Variants in DIS3 observed in about 807,000 individuals in gnomAD.
DIS3 encodes the protein exosome complex exonuclease RRP44.
DIS3 carries 103 observed loss-of-function variants against 113.0 expected under a neutral mutation model. The ratio of observed to expected loss-of-function variants is 0.91; its 90% CI spans 0.78 to 1.07. The LOEUF is 1.07. Ranked by LOEUF, DIS3 falls within the 50% of genes least tolerant of loss-of-function variation. The pLI is 0.00. For missense variants in DIS3, 1,121 were observed against 1,167.1 expected (o/e 0.96, Z 0.58); for synonymous variants, 402 against 394.3 (o/e 1.02, Z -0.23).
chr13:72,781,658 C>T lies in DIS3; in HGVS notation c.175G>A (p.Val59Ile). ...AGCAAGTAGTGCGGTTGCGGGCAGA[C>T]GCTGCTCGCCGGGTCCTGGGGCTGC... ...EPQPQDPASS[V>I]CPQPHYLLPD... The change falls in exon 1 of 21, where the codon GTC (valine) becomes ATC (isoleucine). Residue 59 changes from valine to isoleucine, a missense_variant. Coordinates refer to ENST00000377767, the MANE Select transcript of DIS3 (RefSeq NM_014953.5). 6.5e-7 allele frequency: 1 copy of T among 1,546,436 alleles called. No homozygotes were observed. Among genetic ancestry groups the T allele is most frequent in the Non-Finnish European group, 8.7e-7 (1 of 1,144,880 alleles).
In DIS3 at chr13:72,764,655, G is replaced by T. The variant is rs79937497; in HGVS notation, c.1971-1048C>A. 7.6e-3 allele frequency among the ~76,000 whole-genome samples: 1,162 copies of T among 152,246 alleles called. 13 individuals carry two copies. The highest frequency in any genetic ancestry group is 0.026 in the African/African-American group (1,094 of 41,542). On this transcript the variant is annotated intron_variant, in intron 15 of 20. Coordinates refer to ENST00000377767, the MANE Select transcript of DIS3 (RefSeq NM_014953.5). Reference sequence around the variant, plus strand: ...TTTAGTAAATGATCCACCTTCTGTTGATACAGTGCTTTCTGTCTTGCAAGT... The same window carrying T: ...TTTAGTAAATGATCCACCTTCTGTTTATACAGTGCTTTCTGTCTTGCAAGT...
At chr13:72,763,237 G>C (rs1322930146) in intron 16 of DIS3, among the ~76,000 whole-genome samples, 1 of 152,012 alleles carries the variant, frequency 6.6e-6, no homozygotes, top group Non-Finnish European at 1.5e-5. Flanking sequence ...GGTGGGAGGT[G>C]GAGGGTGCAG....
At position 72,759,470 on chromosome 13, in the gene DIS3, T is replaced by TAA. The variant is rs150311356; in HGVS notation, c.*324_*325insTT. On this transcript the variant is annotated 3_prime_UTR_variant, in exon 21 of 21. Coordinates refer to ENST00000377767, the MANE Select transcript of DIS3 (RefSeq NM_014953.5). ...ACAAATATTAAATAATCAAAGTACT[T>TAA]ACGCAAAATTAATCTGCTCCTCAAT... The TAA allele has an allele frequency of 5.5e-3, 1,326 of 242,846 alleles. 15 individuals are homozygous for TAA. Among genetic ancestry groups the TAA allele is most frequent in the African/African-American group, 0.026 (1,205 of 45,692 alleles). 15.0% of individuals were successfully genotyped at this position (242,846 alleles called of 1,614,324 possible).
At chr13:72,759,981 GT>G (rs2033585720) in intron 20 of DIS3, 103 bp from the exon 21 acceptor site, 3 of 921,938 alleles carry the variant, frequency 3.3e-6, no homozygotes, top group Non-Finnish European at 5.1e-6. Flanking sequence ...TTAAAAGGAT[GT>G]AGTGGTAGGG....
chr13:72,776,642 A>C (rs1332178772), intron 4 of DIS3, among the ~76,000 whole-genome samples: 1 of 152,214 alleles, frequency 6.6e-6, no homozygotes, highest in African/African-American at 2.4e-5. Context: ...AAATTGTATT[A>C]ATGCTACAGT....
Position 72,753,921 on chromosome 13 carries a change from T to C in DIS3, c.*5874A>G, listed in dbSNP as rs2033356760. 2.5e-6 allele frequency: 3 copies of C among 1,189,044 alleles called. No individual in the cohort carries two copies. The highest frequency in any genetic ancestry group is 3.5e-6 in the Non-Finnish European group (3 of 860,272). The allele number at this position is 1,189,044 out of a possible 1,614,324, so 73.7% of individuals were successfully genotyped here. A position where few individuals can be genotyped will look rare whatever the true frequency, so the allele number is the denominator to read the frequency against. On this transcript the variant is annotated 3_prime_UTR_variant, in exon 21 of 21. Coordinates refer to ENST00000377767, the MANE Select transcript of DIS3 (RefSeq NM_014953.5). The stretch of plus-strand genomic sequence containing the variant: ...AGTACTATTGAGAAACTATATGAAA[T>C]TTAAAACACTAAAAGGTAAGCCTGT...
chr13:72,761,773 A>T lies in DIS3; in HGVS notation c.2384T>A (p.Ile795Asn). The T allele has an allele frequency of 6.2e-7, 1 of 1,613,514 alleles. No homozygotes were observed. Among genetic ancestry groups the T allele is most frequent in the South Asian group, 1.1e-5 (1 of 90,804 alleles). The stretch of plus-strand genomic sequence containing the variant: ...CTCTGGATAAGTACAGTCAGCCCCA[A>T]TAGCCACAGCCAAAAGCCGATGAAC... ...VIVHRLLAVA[I>N]GADCTYPELT... The change falls in exon 18 of 21, where the codon ATT becomes AAT. Residue 795 changes from isoleucine (I) to asparagine (N), a missense_variant. By Grantham distance (149) the Ile-to-Asn change is moderately radical. Coordinates refer to ENST00000377767, the MANE Select transcript of DIS3 (RefSeq NM_014953.5).
At chr13:72,779,968 G>C (rs2034115349) in intron 2 of DIS3, among the ~76,000 whole-genome samples, 1 of 151,976 alleles carries the variant, frequency 6.6e-6, no homozygotes, top group Non-Finnish European at 1.5e-5. Context: ...TAACGTAATA[G>C]GCAATATCAT....
rs2033736541 is a variant in DIS3, at chr13:72,766,002, T to A, written c.1940A>T (p.Asp647Val). The change falls in exon 15 of 21, where the codon GAT becomes GTT. Residue 647 changes from aspartate (D) to valine (V), a missense_variant. Around this residue, in one of 3 missense-constraint regions of DIS3, gnomAD observed 861 missense variants for 915.5 expected, o/e 0.94. Transcript: ENST00000377767. ...VRFHMDSETH[D>V]PIDLQTKELR... ...TTCCTTGGTCTGCAGATCTATAGGA[T>A]CGTGAGTTTCACTGTCCATGTGGAA... 2.5e-6 allele frequency: 4 copies of A among 1,611,514 alleles called. No individual in the cohort carries two copies. Among genetic ancestry groups the A allele is most frequent in the East Asian group, 2.2e-5 (1 of 44,836 alleles).
chr13:72,779,942 G>C (rs77098731), intron 2 of DIS3, among the ~76,000 whole-genome samples: 17,113 of 152,142 alleles, frequency 0.11, 1,322 homozygotes, highest in Non-Finnish European at 0.17. Flanking sequence ...ACTCATCATA[G>C]ATTATTTATG....
Position 72,772,219 on chromosome 13 carries a change from T to C in DIS3, c.1443A>G (p.Pro481=). ...GAGCATCGTCTATATCAGTACATCC[T>C]GGTGGGTCTACACTACAAATACACA... The part of the protein sequence containing the change: ...RHLCICSVDP[P]GCTDIDDALH... Residue 481 remains proline (P), a synonymous_variant, in exon 10 of 21, where the codon CCA becomes CCG. Transcript: ENST00000377767. 1.2e-6 allele frequency: 2 copies of C among 1,613,592 alleles called. No homozygotes were observed. Among genetic ancestry groups the C allele is most frequent in the Non-Finnish European group, 1.7e-6 (2 of 1,179,902 alleles).
rs1377431990 is a variant in DIS3 at position 72,756,628 on chromosome 13, G to C, written c.*3167C>G. On this transcript the variant is annotated 3_prime_UTR_variant, in exon 21 of 21. Transcript: ENST00000377767. Reference sequence around the variant, plus strand: ...TCCCCACGTGTCAAGGGTGGGACCAGGTGGAGGTAACTGGATCATGGGGGC... The same window carrying C: ...TCCCCACGTGTCAAGGGTGGGACCACGTGGAGGTAACTGGATCATGGGGGC... 1 of 152,236 alleles carries C rather than the reference G, an allele frequency of 6.6e-6. No homozygotes were observed. Among genetic ancestry groups the C allele is most frequent in the East Asian group, 1.9e-4 (1 of 5,186 alleles). The allele number at this position is 152,236 out of a possible 1,614,324, so 9.4% of individuals were successfully genotyped here. A position where few individuals can be genotyped will look rare whatever the true frequency, so the allele number is the denominator to read the frequency against.
At chr13:72,765,157 T>C (rs947251979) in intron 15 of DIS3, among the ~76,000 whole-genome samples, 2 of 152,060 alleles carry the variant, frequency 1.3e-5, no homozygotes, top group African/African-American at 4.8e-5. Flanking sequence ...TCCTACATCT[T>C]AACTAAATCA....
At chr13:72,761,899 T>C (rs752456659) in intron 17 of DIS3, 24 bp downstream of exon 17, 2 of 1,613,310 alleles carry the variant, frequency 1.2e-6, no homozygotes, top group East Asian at 4.5e-5. Context: ...TTCTATCTCC[T>C]TTAATTTCAT....
intron 20 of DIS3, 44 bp downstream of exon 20, chr13:72,760,485 C>T: frequency 6.2e-7 from 1 of 1,611,240 alleles, no homozygotes. Context: ...AAAATATGTA[C>T]TGTTTGTTCC....
At position 72,757,434 on chromosome 13, in the gene DIS3, T is replaced by C. The variant is rs906817827; in HGVS notation, c.*2361A>G. On this transcript the variant is annotated 3_prime_UTR_variant, in exon 21 of 21. Transcript: ENST00000377767. Reference sequence around the variant, plus strand: ...GCTAATTTTCTTTTCTTTTTTTTTTTTTTTTTTTGCGATGGAGTCTCACTC... The same window carrying C: ...GCTAATTTTCTTTTCTTTTTTTTTTCTTTTTTTTGCGATGGAGTCTCACTC... 6.9e-6 allele frequency: 1 copy of C among 144,880 alleles called. No homozygotes were observed. Among genetic ancestry groups the C allele is most frequent in the Non-Finnish European group, 1.5e-5 (1 of 66,176 alleles). The allele number at this position is 144,880 out of a possible 1,614,324, so 9.0% of individuals were successfully genotyped here.
chr13:72,773,858 A>C, intron 7 of DIS3, 37 bp from the exon 8 acceptor site: 1 of 1,597,206 alleles, frequency 6.3e-7, no homozygotes, highest in Non-Finnish European at 8.5e-7. Flanking sequence ...TACACAAAAA[A>C]AATCTGAGGA....
rs1411362347 is a variant in DIS3, at chr13:72,777,484, T to G, written c.590A>C (p.Tyr197Ser). 1 of 1,613,886 alleles carries G rather than the reference T, an allele frequency of 6.2e-7. No homozygotes were observed. Among genetic ancestry groups the G allele is most frequent in the African/African-American group, 1.3e-5 (1 of 74,916 alleles). ...EGIPAFTCEE[Y>S]VKSLTANPEL... ...GGGGTTAGCAGTTAGGCTCTTTACATATTCTTCACCTGAAAAAATAAGTTT... is the reference window on the plus strand; with the variant it reads ...GGGGTTAGCAGTTAGGCTCTTTACAGATTCTTCACCTGAAAAAATAAGTTT... Residue 197 changes from tyrosine (Y) to serine (S), a missense_variant, in exon 4 of 21, where the codon TAT becomes TCT. Coordinates refer to ENST00000377767, the MANE Select transcript of DIS3 (RefSeq NM_014953.5).
intron 20 of DIS3, 63 bp from the exon 21 acceptor site, chr13:72,759,941 T>G: frequency 7.7e-7 from 1 of 1,298,774 alleles, no homozygotes; most frequent in Non-Finnish European, 1.1e-6. Context: ...CTCAACCTCA[T>G]CCTCCCCTTC....
Sources: allele counts gnomAD v4.1 joint callset (sites outside exome capture counted in the v4.1 genomes callset), GRCh38; gene constraint gnomAD v4.1.1; regional missense constraint gnomAD v4.1.1; transcripts MANE v1.5; gene names NCBI Gene and HGNC (gene_info 2026-07-23, HGNC 2026-07-21).